Variants in GRHL2 observed in about 807,000 individuals in gnomAD.
GRHL2 encodes grainyhead-like protein 2 homolog.
In GRHL2, 21 loss-of-function variants were observed where a neutral mutation model predicts 83.8. The ratio of observed to expected loss-of-function variants is 0.25; its 90% CI spans 0.18 to 0.36. The LOEUF (loss-of-function observed/expected upper bound fraction) is 0.36. Ranked by LOEUF, GRHL2 falls within the 10% of genes least tolerant of loss-of-function variation. The probability of loss-of-function intolerance (pLI) is 1.00; values close to 1 mark genes in which losing one functional copy is unlikely to be tolerated. For synonymous variants in GRHL2, 280 were observed against 278.9 expected (o/e 1.00, Z -0.04); for missense variants, 623 against 781.8 (o/e 0.80, Z 2.42).
chr8:101,609,891 A>C (rs963922957), intron 8 of GRHL2, among the ~76,000 whole-genome samples: 1 of 151,136 alleles, frequency 6.6e-6, no homozygotes, highest in Non-Finnish European at 1.5e-5. Flanking sequence ...TCAGGTGTTA[A>C]AAACTCAAAA....
At chr8:101,574,682 G>A (rs1212298765) in intron 6 of GRHL2, among the ~76,000 whole-genome samples, 1 of 152,256 alleles carries the variant, frequency 6.6e-6, no homozygotes, top group Non-Finnish European at 1.5e-5. Context: ...TTCCACGCAA[G>A]GCTGAGCTCA....
intron 1 of GRHL2, among the ~76,000 whole-genome samples, chr8:101,502,233 T>A (rs1810244321): frequency 6.6e-6 from 1 of 152,180 alleles, no homozygotes; most frequent in South Asian, 2.1e-4. Flanking sequence ...CTAAATGATC[T>A]CCGTGAATAA....
intron 1 of GRHL2, among the ~76,000 whole-genome samples, chr8:101,533,765 C>A (rs182828657): frequency 6.6e-6 from 1 of 152,108 alleles, no homozygotes; most frequent in African/African-American, 2.4e-5. Flanking sequence ...GATGAGAGAG[C>A]TAGCCTTAGG....
chr8:101,494,601 T>A (rs1810056725), intron 1 of GRHL2, among the ~76,000 whole-genome samples: 3 of 152,310 alleles, frequency 2.0e-5, no homozygotes, highest in African/African-American at 7.2e-5. Context: ...TTTGTTTTGA[T>A]CTTTGCCTGC....
chr8:101,586,886 A>G (rs1158902739), intron 7 of GRHL2, among the ~76,000 whole-genome samples: 2 of 152,172 alleles, frequency 1.3e-5, no homozygotes, highest in African/African-American at 4.8e-5. Context: ...CTAGAAGACT[A>G]AATATGCCTT....
At chr8:101,633,433 G>C (rs548879207) in intron 11 of GRHL2, among the ~76,000 whole-genome samples, 14 of 152,228 alleles carry the variant, frequency 9.2e-5, no homozygotes, top group Non-Finnish European at 1.8e-4. Flanking sequence ...AATTGACCTT[G>C]GTGTAGAAAG....
chr8:101,500,174 G>A (rs969005548), intron 1 of GRHL2, among the ~76,000 whole-genome samples: 1 of 152,166 alleles, frequency 6.6e-6, no homozygotes, highest in Non-Finnish European at 1.5e-5. Flanking sequence ...GTAGTGATTG[G>A]TTTGGCAAAC....
intron 2 of GRHL2, among the ~76,000 whole-genome samples, chr8:101,550,121 A>T (rs1811347705): frequency 6.7e-6 from 1 of 148,550 alleles, no homozygotes. Flanking sequence ...CTCTTTTATT[A>T]TTTATTTTTA....
intron 5 of GRHL2, among the ~76,000 whole-genome samples, chr8:101,573,240 C>CAAAAAA (rs76573673): frequency 1.3e-5 from 1 of 78,838 alleles, no homozygotes; most frequent in Non-Finnish European, 2.8e-5. Flanking sequence ...CTTGGTTAGA[C>CAAAAAA]AAAAAAAAAA....
At chr8:101,676,602 C>T in the GRHL2 span, among the ~76,000 whole-genome samples, 2 of 152,262 alleles carry the variant, frequency 1.3e-5, no homozygotes, top group Admixed American at 6.5e-5. Context: ...AACACTTTTA[C>T]ACTGTTTGTG....
intron 5 of GRHL2, 83 bp downstream of exon 5, chr8:101,570,477 T>C: frequency 8.8e-7 from 1 of 1,135,728 alleles, no homozygotes; most frequent in Admixed American, 1.7e-5. Context: ...CTTTAAACCT[T>C]TTTTCTTTGT....
chr8:101,494,873 C>G (rs541790675), intron 1 of GRHL2, among the ~76,000 whole-genome samples: 3 of 152,292 alleles, frequency 2.0e-5, no homozygotes, highest in African/African-American at 7.2e-5. Flanking sequence ...ATTTAATGAA[C>G]GTTGCTTTTA....
chr8:101,637,995 G>A (rs1813323528), intron 12 of GRHL2, among the ~76,000 whole-genome samples: 1 of 152,140 alleles, frequency 6.6e-6, no homozygotes, highest in Non-Finnish European at 1.5e-5. Flanking sequence ...ATAAATATAT[G>A]TTCTGAACCA....
intron 1 of GRHL2, among the ~76,000 whole-genome samples, chr8:101,507,795 T>C (rs957394233): frequency 1.3e-5 from 1 of 78,250 alleles, no homozygotes; most frequent in Non-Finnish European, 2.6e-5. Context: ...TTTTTTTTTT[T>C]AGACAAGAGT....
intron 8 of GRHL2, among the ~76,000 whole-genome samples, chr8:101,606,088 G>A (rs1812627465): frequency 6.6e-6 from 1 of 152,210 alleles, no homozygotes; most frequent in Non-Finnish European, 1.5e-5. Context: ...ATTATGATCA[G>A]AGAAGATGAA....
chr8:101,548,088 T>C (rs1374882319), intron 2 of GRHL2, among the ~76,000 whole-genome samples: 1 of 152,266 alleles, frequency 6.6e-6, no homozygotes, highest in Non-Finnish European at 1.5e-5. Flanking sequence ...ATCTGTTCTA[T>C]TGACCAGTAC....
At chr8:101,592,592 AGACC>A (rs1812310442) in intron 7 of GRHL2, among the ~76,000 whole-genome samples, 1 of 152,222 alleles carries the variant, frequency 6.6e-6, no homozygotes, top group Non-Finnish European at 1.5e-5. Flanking sequence ...GCCACATTCT[AGACC>A]TATGGAATCG....
chr8:101,642,880 A>G (rs946724642), intron 12 of GRHL2, among the ~76,000 whole-genome samples: 1 of 152,180 alleles, frequency 6.6e-6, no homozygotes, highest in African/African-American at 2.4e-5. Flanking sequence ...ACCTTTTGTC[A>G]TCAATGAAAT....
intron 13 of GRHL2, among the ~76,000 whole-genome samples, chr8:101,644,441 T>C (rs1454266838): frequency 2.6e-5 from 4 of 152,226 alleles, no homozygotes; most frequent in Admixed American, 1.3e-4. Flanking sequence ...GGTTCTTTCC[T>C]TTGCCTTGGG....
Sources: allele counts gnomAD v4.1 joint callset (sites outside exome capture counted in the v4.1 genomes callset), GRCh38; gene constraint gnomAD v4.1.1; transcripts MANE v1.5; gene names NCBI Gene and HGNC (gene_info 2026-07-23, HGNC 2026-07-21).